SUSD3: variants seen among roughly 807,000 people sequenced by gnomAD.
SUSD3 encodes sushi domain containing 3, also known as sushi domain-containing protein 3.
Under a neutral mutation model 20.6 loss-of-function variants are expected in SUSD3, and 18 were observed. The observed-to-expected ratio is 0.87, with a 90% CI of 0.60 to 1.30. SUSD3 has a LOEUF of 1.30. SUSD3 is among the 50% of genes most tolerant of loss of function. The probability of loss-of-function intolerance (pLI) is 0.00; values close to 1 mark genes in which losing one functional copy is unlikely to be tolerated. For synonymous variants in SUSD3, 137 were observed against 141.5 expected, an observed-to-expected ratio of 0.97 and a Z score of 0.23; for missense variants, 306 against 346.9, an observed-to-expected ratio of 0.88 and a Z score of 0.94.
At chr9:93,083,142 C>A (rs1826490862) in intron 4 of SUSD3, among the ~76,000 whole-genome samples, 1 of 152,216 alleles carries the variant, frequency 6.6e-6, no homozygotes, top group Admixed American at 6.5e-5. Flanking sequence ...GGCTTAGGGG[C>A]CACTCTGACA....
chr9:93,066,446 C>A (rs919418647), intron 1 of SUSD3, among the ~76,000 whole-genome samples: 1 of 152,076 alleles, frequency 6.6e-6, no homozygotes, highest in African/African-American at 2.4e-5. Flanking sequence ...ATTGGTCAGG[C>A]GGGTCTCAAA....
chr9:93,078,501 C>G (rs1373467340), intron 3 of SUSD3, among the ~76,000 whole-genome samples: 1 of 152,140 alleles, frequency 6.6e-6, no homozygotes, highest in Non-Finnish European at 1.5e-5. Flanking sequence ...CTCTGGTGAT[C>G]CGCCCAGTGA....
chr9:93,059,251 G>A lies in SUSD3; in HGVS notation c.88+421G>A, dbSNP rs1295481898. ...GCCGGGAGCCCTCTCTGCGCCTGAG[G>A]GAGGTGTCATCTTCACGATTCCTTG... On this transcript the variant is annotated intron_variant, in intron 1 of 4. Transcript: ENST00000375472. Among the ~76,000 whole-genome samples, 7 of 152,292 alleles carry A rather than the reference G, an allele frequency of 4.6e-5. No individual in the cohort carries two copies. In the East Asian group the frequency reaches 1.4e-3, roughly 30 times the overall value.
intron 3 of SUSD3, among the ~76,000 whole-genome samples, chr9:93,078,784 A>C (rs1245816428): frequency 6.6e-6 from 1 of 151,870 alleles, no homozygotes; most frequent in African/African-American, 2.4e-5. Context: ...TTGTGGTAAA[A>C]TATCAATACA....
chr9:93,058,752 G>T lies in SUSD3; in HGVS notation c.10G>T (p.Ala4Ser). ...CCTCGGAGCGCGCAGGATGCGCTGG[G>T]CGGCCGCCACCCTCCGTGGCAAGGC... MRW[A>S]AATLRGKARP... Residue 4 changes from alanine to serine, a missense_variant, in exon 1 of 5, where the codon GCG becomes TCG. Physicochemically the swap from Ala to Ser is moderately conservative, Grantham distance 99. Transcript: ENST00000375472. 1 of 1,235,956 alleles carries T rather than the reference G, an allele frequency of 8.1e-7. No homozygotes were observed. Among genetic ancestry groups the T allele is most frequent in the Non-Finnish European group, 1.0e-6 (1 of 989,738 alleles). 76.6% of individuals were successfully genotyped at this position (1,235,956 alleles called of 1,614,324 possible). A position where few individuals can be genotyped will look rare whatever the true frequency, so the allele number is the denominator to read the frequency against.
At chr9:93,058,921 G>T in intron 1 of SUSD3, 91 bp downstream of exon 1, 1 of 737,530 alleles carries the variant, frequency 1.4e-6, no homozygotes, top group Non-Finnish European at 1.9e-6. Context: ...GGGCCGCACA[G>T]CCGTGGGTGG....
intron 1 of SUSD3, among the ~76,000 whole-genome samples, chr9:93,061,561 A>C (rs1825507070): frequency 6.6e-6 from 1 of 152,264 alleles, no homozygotes; most frequent in South Asian, 2.1e-4. Flanking sequence ...GATGGAAGGC[A>C]GAAGTGGCTC....
chr9:93,059,071 CG>C (rs1441993190), intron 1 of SUSD3, among the ~76,000 whole-genome samples: 3 of 152,210 alleles, frequency 2.0e-5, no homozygotes, highest in Admixed American at 2.0e-4. Flanking sequence ...CGCCCGTTCC[CG>C]AGTGGCCGCA....
chr9:93,073,537 C>T (rs920559981), intron 1 of SUSD3, among the ~76,000 whole-genome samples: 4 of 152,144 alleles, frequency 2.6e-5, no homozygotes, highest in African/African-American at 9.7e-5. Context: ...CGTGAGCCAC[C>T]GTGCCCGTCC....
At chr9:93,081,187 T>G (rs1251901255) in intron 4 of SUSD3, among the ~76,000 whole-genome samples, 1 of 152,180 alleles carries the variant, frequency 6.6e-6, no homozygotes, top group Non-Finnish European at 1.5e-5. Flanking sequence ...GCACAAGATG[T>G]TCCAGGCCCA....
intron 1 of SUSD3, among the ~76,000 whole-genome samples, chr9:93,060,301 G>T (rs1413780256): frequency 6.6e-6 from 1 of 152,038 alleles, no homozygotes; most frequent in African/African-American, 2.4e-5. Flanking sequence ...GGGGTGAGTC[G>T]CTGTACCTCT....
At chr9:93,078,726 G>T (rs1361752051) in intron 3 of SUSD3, among the ~76,000 whole-genome samples, 1 of 151,998 alleles carries the variant, frequency 6.6e-6, no homozygotes, top group Non-Finnish European at 1.5e-5. Context: ...TGTCTGTCAG[G>T]TTTTTTCCCC....
At chr9:93,064,351 C>T (rs1380901703) in intron 1 of SUSD3, among the ~76,000 whole-genome samples, 1 of 152,220 alleles carries the variant, frequency 6.6e-6, no homozygotes, top group East Asian at 1.9e-4. Flanking sequence ...CAGCCGACTT[C>T]ACCCTTTATC....
intron 1 of SUSD3, among the ~76,000 whole-genome samples, chr9:93,068,411 G>C (rs998223197): frequency 2.0e-5 from 3 of 152,166 alleles, no homozygotes; most frequent in Admixed American, 6.6e-5. Context: ...CCCAGCATCA[G>C]TTTGTTGAAA....
chr9:93,072,563 G>A lies in SUSD3; in HGVS notation c.89-3221G>A, dbSNP rs534661359. ...CGTGGCACACATGGCTGGGGCAAGG[G>A]GTGGTGTGACCTCTCTGAGCCTCAG... is the stretch of plus-strand genomic sequence containing the variant. On this transcript the variant is annotated intron_variant, in intron 1 of 4. Coordinates refer to ENST00000375472, the MANE Select transcript of SUSD3 (RefSeq NM_145006.4). Among the ~76,000 whole-genome samples, 3 of 152,284 alleles carry A rather than the reference G, an allele frequency of 2.0e-5. No homozygotes were observed. The South Asian group carries it at 6.2e-4, about 32-fold the overall frequency.
Position 93,084,657 on chromosome 9 carries a change from G to A in SUSD3, c.678G>A (p.Met226Ile). The A allele has an allele frequency of 6.2e-7, 1 of 1,608,612 alleles. No individual in the cohort carries two copies. Among genetic ancestry groups the A allele is most frequent in the Middle Eastern group, 1.7e-4 (1 of 6,050 alleles). ...CCAGCTCACCCCAAGCCCAGGTGAT[G>A]GTGCACATGGCAAACCCCAGACAGC... is the stretch of plus-strand genomic sequence containing the variant. ...GSSSSPQAQV[M>I]VHMANPRQPL... is the part of the protein sequence containing the mutation. Residue 226 changes from methionine to isoleucine, a missense_variant, in exon 5 of 5, where the codon ATG (methionine) becomes ATA (isoleucine). Transcript: ENST00000375472.
intron 1 of SUSD3, among the ~76,000 whole-genome samples, chr9:93,066,840 C>T (rs1470784711): frequency 6.6e-6 from 1 of 152,086 alleles, no homozygotes; most frequent in African/African-American, 2.4e-5. Context: ...TCCTGAGTAG[C>T]TGGATTACAG....
intron 1 of SUSD3, among the ~76,000 whole-genome samples, chr9:93,067,710 G>T (rs1825770684): frequency 6.6e-6 from 1 of 151,490 alleles, no homozygotes; most frequent in South Asian, 2.1e-4. Flanking sequence ...TGATACTCCT[G>T]CCTCAGCCTC....
chr9:93,073,108 A>G (rs1415632844), intron 1 of SUSD3, among the ~76,000 whole-genome samples: 3 of 151,900 alleles, frequency 2.0e-5, no homozygotes, highest in South Asian at 2.1e-4. Flanking sequence ...CATCACCCCC[A>G]TCTCTGGGTG....
Sources: gnomAD v4.1 joint callset for allele counts (sites outside exome capture counted in the v4.1 genomes callset) on GRCh38, gnomAD v4.1.1 for gene constraint, MANE v1.5 for transcripts, NCBI Gene and HGNC (gene_info 2026-07-23, HGNC 2026-07-21) for gene names.